The following CPLANE1 variants were observed in gnomAD, a reference collection of about 807,000 sequenced individuals.
CPLANE1 encodes ciliogenesis and planar polarity effector 1.
In CPLANE1, 263 loss-of-function variants were observed where a neutral mutation model predicts 362.5. That is an observed-to-expected ratio of 0.73 (90% CI 0.66 to 0.80). CPLANE1 has a LOEUF of 0.80. Among genes scored for constraint, CPLANE1 ranks in the 30% least tolerant of loss-of-function variants. The pLI is 0.00. For missense variants in CPLANE1, 3,461 were observed against 3,793.4 expected (o/e 0.91, Z 2.30); for synonymous variants, 1,212 against 1,302.6 (o/e 0.93, Z 1.50).
intron 36 of CPLANE1, 108 bp from the exon 37 acceptor site, chr5:37,164,435 C>G: frequency 1.4e-6 from 1 of 736,862 alleles, no homozygotes; most frequent in South Asian, 1.8e-5. Flanking sequence ...ATAACTTCAA[C>G]TTCCATCATT....
chr5:37,143,479 T>C (rs1270431828), intron 43 of CPLANE1, among the ~76,000 whole-genome samples: 1 of 152,062 alleles, frequency 6.6e-6, no homozygotes, highest in Non-Finnish European at 1.5e-5. Flanking sequence ...TAAATACAAC[T>C]TCTAGATATT....
At position 37,209,484 on chromosome 5, in the gene CPLANE1, C is replaced by A. The variant is rs1419367374; in HGVS notation, c.2921-3059G>T. The A allele has an allele frequency of 3.9e-6, 5 of 1,289,088 alleles. No individual in the cohort carries two copies. Among genetic ancestry groups the A allele is most frequent in the Non-Finnish European group, 5.6e-6 (5 of 885,716 alleles). The allele number at this position is 1,289,088 out of a possible 1,614,324, so 79.9% of individuals were successfully genotyped here. On this transcript the variant is annotated intron_variant, in intron 16 of 52. Transcript: ENST00000651892. This position sits in a 1 kb window ranked among gnomAD's most constrained non-coding sequence, Gnocchi z 4.6. ...ACTGGAAACACTCAAGATACAACTT[C>A]GAAACCAGCTAATTCATGAGTTAAT...
intron 39 of CPLANE1, 50 bp from the exon 40 acceptor site, chr5:37,157,918 T>C (rs1323744740): frequency 3.7e-6 from 3 of 800,526 alleles, no homozygotes; most frequent in Non-Finnish European, 3.6e-6. Context: ...TTTTACTCTA[T>C]GTGGTCACTC....
chr5:37,088,812 T>G, the CPLANE1 span, among the ~76,000 whole-genome samples: 1 of 152,066 alleles, frequency 6.6e-6, no homozygotes, highest in Admixed American at 6.6e-5. Flanking sequence ...TGGGGCCTGC[T>G]GCCTCCAGGA....
chr5:37,105,410 T>C (rs918621558), downstream of CPLANE1, among the ~76,000 whole-genome samples: 5 of 152,092 alleles, frequency 3.3e-5, no homozygotes, highest in African/African-American at 7.2e-5. Flanking sequence ...ATCAAGAACA[T>C]ACAATGGGGA....
intron 23 of CPLANE1, among the ~76,000 whole-genome samples, chr5:37,187,060 C>CAAAAAAAAAAAAAAAACAAAAAA (rs1784241260): frequency 4.0e-5 from 2 of 50,404 alleles, no homozygotes; most frequent in African/African-American, 1.8e-4. Flanking sequence ...GACTCCGTCT[C>CAAAAAAAAAAAAAAAACAAAAAA]AAAAAAAAAA....
the CPLANE1 span, among the ~76,000 whole-genome samples, chr5:37,099,378 G>A: frequency 6.6e-6 from 1 of 152,190 alleles, no homozygotes; most frequent in Admixed American, 6.5e-5. Context: ...CTACTTATAA[G>A]TGAGAACATG....
chr5:37,125,111 A>T, intron 47 of CPLANE1, 133 bp downstream of exon 47: 2 of 1,393,248 alleles, frequency 1.4e-6, no homozygotes, highest in Non-Finnish European at 1.9e-6. Flanking sequence ...TCCTGACTTA[A>T]GTAAAACATT....
intron 32 of CPLANE1, 101 bp from the exon 33 acceptor site, chr5:37,170,432 G>A (rs1779460046): frequency 1.2e-5 from 14 of 1,215,964 alleles, no homozygotes; most frequent in Non-Finnish European, 1.6e-5. Context: ...TCACACGTTT[G>A]TCTTAATATC....
At chr5:37,184,647 T>C in intron 25 of CPLANE1, 141 bp downstream of exon 25, 1 of 627,750 alleles carries the variant, frequency 1.6e-6, no homozygotes. Flanking sequence ...TTCTTATGAG[T>C]GGAGGGGGTG....
chr5:37,195,814 T>C, intron 21 of CPLANE1, 44 bp downstream of exon 21: 1 of 1,564,938 alleles, frequency 6.4e-7, no homozygotes, highest in South Asian at 1.2e-5. Context: ...ATGAAAAATA[T>C]ACCATCATTC....
At chr5:37,186,920 G>C (rs141064546) in intron 23 of CPLANE1, among the ~76,000 whole-genome samples, 4,340 of 152,002 alleles carry the variant, frequency 0.029, 95 homozygotes, top group Middle Eastern at 0.12. Flanking sequence ...AATTAGCCGG[G>C]CGTGTTGGCG....
At chr5:37,098,998 G>C in the CPLANE1 span, among the ~76,000 whole-genome samples, 19 of 145,770 alleles carry the variant, frequency 1.3e-4, no homozygotes, top group African/African-American at 4.8e-4. Context: ...ACTAAAAAAT[G>C]CAAGAACAAA....
chr5:37,206,215 C>T lies in CPLANE1; in HGVS notation c.3131G>A (p.Arg1044His), dbSNP rs779754977. 71 of 1,551,462 alleles carry T rather than the reference C, an allele frequency of 4.6e-5. No homozygotes were observed. The African/African-American group carries it at 7.0e-4, about 15-fold the overall frequency. The part of the protein sequence containing the change: ...IGVAFQLFCK[R>H]DSNFMRSKKK... ...TCCATACCTCATGAAATTGCTATCA[C>T]GTTTACAGAACAGCTGGAAAGCCAC... Residue 1044 changes from arginine (R) to histidine (H), a missense_variant, in exon 17 of 53, where the codon CGT becomes CAT. Arg to His is a conservative substitution (Grantham distance 29). Coordinates refer to ENST00000651892, the MANE Select transcript of CPLANE1 (RefSeq NM_001384732.1).
intron 15 of CPLANE1, among the ~76,000 whole-genome samples, chr5:37,216,452 G>A (rs965371752): frequency 1.3e-5 from 2 of 152,204 alleles, no homozygotes; most frequent in Non-Finnish European, 2.9e-5. Context: ...AGGAGGCTGA[G>A]GCAGGAGGAT....
intron 21 of CPLANE1, among the ~76,000 whole-genome samples, chr5:37,193,641 T>A (rs1027756878): frequency 6.6e-5 from 10 of 152,156 alleles, no homozygotes; most frequent in African/African-American, 2.4e-4. Flanking sequence ...AGTGACAGAA[T>A]AAGACTCCAT....
At chr5:37,217,585 C>T (rs998621605) in intron 15 of CPLANE1, among the ~76,000 whole-genome samples, 5 of 148,780 alleles carry the variant, frequency 3.4e-5, no homozygotes, top group Non-Finnish European at 5.9e-5. Flanking sequence ...CCAGCCTGGG[C>T]GACAGAGCGA....
chr5:37,116,217 G>T (rs570881206), intron 50 of CPLANE1, among the ~76,000 whole-genome samples: 1 of 152,142 alleles, frequency 6.6e-6, no homozygotes, highest in South Asian at 2.1e-4. Flanking sequence ...AGGCACGGTG[G>T]CTCACACCTG....
At chr5:37,098,769 T>A in the CPLANE1 span, among the ~76,000 whole-genome samples, 1 of 149,414 alleles carries the variant, frequency 6.7e-6, no homozygotes. Flanking sequence ...TTAAACAACA[T>A]GCTCCTGAAA....
Sources: allele counts gnomAD v4.1 joint callset (sites outside exome capture counted in the v4.1 genomes callset), GRCh38; gene constraint gnomAD v4.1.1; non-coding constraint Gnocchi (gnomAD v3.1); transcripts MANE v1.5; gene names NCBI Gene and HGNC (gene_info 2026-07-23, HGNC 2026-07-21).